C11orf65: variants seen among roughly 807,000 people sequenced by gnomAD.
The protein encoded by C11orf65 is protein MFI.
A neutral mutation model predicts 35.3 loss-of-function variants in C11orf65; 38 were observed. That is an observed-to-expected ratio of 1.08 (90% confidence interval 0.83 to 1.41). The LOEUF (loss-of-function observed/expected upper bound fraction) is 1.41. C11orf65 is among the 40% of genes most tolerant of loss of function. C11orf65 has a pLI of 0.00. For missense variants in C11orf65, 370 were observed against 367.1 expected, an observed-to-expected ratio of 1.01 and a Z score of -0.06; for synonymous variants, 105 against 114.4, an observed-to-expected ratio of 0.92 and a Z score of 0.53.
intron 8 of C11orf65, among the ~76,000 whole-genome samples, chr11:108,385,432 C>A (rs1176452250): frequency 6.6e-6 from 1 of 152,082 alleles, no homozygotes; most frequent in Non-Finnish European, 1.5e-5. Flanking sequence ...CCTGTAATCC[C>A]AGCACTTTGG....
chr11:108,338,300 C>T (rs749187732), intron 2 of C11orf65, among the ~76,000 whole-genome samples: 1 of 151,740 alleles, frequency 6.6e-6, no homozygotes, highest in Non-Finnish European at 1.5e-5. Flanking sequence ...GCAGTTGAGC[C>T]GAGATCACAC....
intron 3 of C11orf65, among the ~76,000 whole-genome samples, chr11:108,422,158 G>A (rs1356129133): frequency 6.6e-6 from 1 of 152,054 alleles, no homozygotes; most frequent in East Asian, 1.9e-4. Flanking sequence ...TCGAACTCCT[G>A]ACCTCATGAT....
In C11orf65 at chr11:108,335,359, T is replaced by C. The variant is rs976738784; in HGVS notation, c.227-67A>G. On this transcript the variant is annotated intron_variant, in intron 2 of 3. Coordinates refer to the C11orf65 transcript ENST00000524755. ...AATACCATTAACATGTACAGACATG[T>C]ACAGTGAGGTTGCTTCTTATGAAAA... 1.8e-5 allele frequency: 22 copies of C among 1,216,944 alleles called. No homozygotes were observed. The African/African-American group carries it at 2.9e-4, about 16-fold the overall frequency. The allele number at this position is 1,216,944 out of a possible 1,614,324, so 75.4% of individuals were successfully genotyped here. A position where few individuals can be genotyped will look rare whatever the true frequency, so the allele number is the denominator to read the frequency against.
intron 7 of C11orf65, among the ~76,000 whole-genome samples, chr11:108,391,734 G>T (rs1002545646): frequency 6.6e-6 from 1 of 151,116 alleles, no homozygotes; most frequent in Non-Finnish European, 1.5e-5. Flanking sequence ...GCACCCCATA[G>T]CCACCACCAC....
intron 3 of C11orf65, among the ~76,000 whole-genome samples, chr11:108,428,957 C>T (rs1417267370): frequency 1.3e-5 from 2 of 151,912 alleles, no homozygotes; most frequent in African/African-American, 4.8e-5. Context: ...GACGAGCCTG[C>T]GTAACCTAGG....
chr11:108,337,715 T>C (rs967427537), intron 2 of C11orf65, among the ~76,000 whole-genome samples: 10 of 152,230 alleles, frequency 6.6e-5, no homozygotes, highest in African/African-American at 2.4e-4. Context: ...AATGTAGAGA[T>C]TGCTAAGAAG....
Position 108,382,853 on chromosome 11 carries a change from T to C in C11orf65, c.*168A>G. 1 of 1,431,638 alleles carries C rather than the reference T, an allele frequency of 7.0e-7. No individual in the cohort carries two copies. The highest frequency in any genetic ancestry group is 1.5e-5 in the South Asian group (1 of 68,226). The allele number at this position is 1,431,638 out of a possible 1,614,324, so 88.7% of individuals were successfully genotyped here. ...ATTTCTATATTTGCCATGATCATTG[T>C]ATTCAGTCCAGTGTTCTATTTCTGC... On this transcript the variant is annotated 3_prime_UTR_variant, in exon 9 of 9. Transcript: ENST00000393084.
chr11:108,427,975 C>T lies in C11orf65; in HGVS notation c.174+3771G>A, dbSNP rs556153656. Reference sequence around the variant, plus strand: ...CCTCCCAAGTAGCTGGGACTACAGGCGCCCGCCACTACGACCGGCTAATTT... The same window carrying T: ...CCTCCCAAGTAGCTGGGACTACAGGTGCCCGCCACTACGACCGGCTAATTT... On this transcript the variant is annotated intron_variant, in intron 3 of 8. Coordinates refer to ENST00000393084, the MANE Select transcript of C11orf65 (RefSeq NM_152587.5). Among the ~76,000 whole-genome samples, 114 of 140,450 alleles carry T rather than the reference C, an allele frequency of 8.1e-4. 1 individual carries two copies. Among genetic ancestry groups the T allele is most frequent in the South Asian group, 2.5e-3 (10 of 4,056 alleles). The allele number at this position is 140,450 out of a possible 152,430, so 92.1% of individuals were successfully genotyped here. A position where few individuals can be genotyped will look rare whatever the true frequency, so the allele number is the denominator to read the frequency against.
intron 2 of C11orf65, among the ~76,000 whole-genome samples, chr11:108,360,563 A>C (rs1368733895): frequency 1.3e-4 from 18 of 141,222 alleles, no homozygotes; most frequent in African/African-American, 3.5e-4. Context: ...TACTGGCAAA[A>C]CGAATCCAGC....
At chr11:108,334,099 A>G (rs2086577634) in intron 3 of C11orf65, 2 of 698,178 alleles carry the variant, frequency 2.9e-6, no homozygotes, top group African/African-American at 3.6e-5. Context: ...TCAACCTATA[A>G]TTTCTCAGTA....
intron 2 of C11orf65, among the ~76,000 whole-genome samples, chr11:108,356,540 TAA>T (rs374615780): frequency 6.5e-4 from 64 of 97,748 alleles, no homozygotes; most frequent in African/African-American, 7.3e-4. Context: ...CTGTCTGTCT[TAA>T]AAAAAAAAAA....
At chr11:108,351,560 C>T (rs2089201422) in intron 2 of C11orf65, among the ~76,000 whole-genome samples, 1 of 152,194 alleles carries the variant, frequency 6.6e-6, no homozygotes, top group Non-Finnish European at 1.5e-5. Context: ...TCTTAAGACT[C>T]AGCTGGGCCA....
chr11:108,451,388 G>A (rs1390786720), intron 2 of C11orf65, among the ~76,000 whole-genome samples: 3 of 151,962 alleles, frequency 2.0e-5, no homozygotes, highest in African/African-American at 7.3e-5. Flanking sequence ...GCCAAATCAT[G>A]AGTGAACTCC....
Position 108,321,548 on chromosome 11 carries a change from T to C in C11orf65, c.641-12477A>G. On this transcript the variant is annotated intron_variant, in intron 6 of 6. Transcript: ENST00000525729. Reference sequence around the variant, plus strand: ...CTGTAATCCTAGCACTTTAGAAGGCTGAAGTGGGTGGATCACTTGAGGTCA... The same window carrying C: ...CTGTAATCCTAGCACTTTAGAAGGCCGAAGTGGGTGGATCACTTGAGGTCA... 14 of 1,359,258 alleles carry C rather than the reference T, an allele frequency of 1.0e-5. No homozygotes were observed. The South Asian group carries it at 1.6e-4, about 16-fold the overall frequency. The allele number at this position is 1,359,258 out of a possible 1,614,324, so 84.2% of individuals were successfully genotyped here.
rs767605723 is a variant in C11orf65 at position 108,383,001 on chromosome 11, C to A, written c.*20G>T. On this transcript the variant is annotated 3_prime_UTR_variant, in exon 9 of 9. Transcript: ENST00000393084. ...ATGGAAGGCTCAAAGGGCTATAACT[C>A]AGAATAGAAATAAAGTACTTTATAG... is the stretch of plus-strand genomic sequence containing the variant. The A allele has an allele frequency of 6.2e-7, 1 of 1,610,246 alleles. No homozygotes were observed.
chr11:108,330,217 C>A (rs763470424), downstream of C11orf65: 3 of 1,613,744 alleles, frequency 1.9e-6, no homozygotes, highest in South Asian at 1.1e-5. Context: ...ATGCAAGATA[C>A]ACAGTAAAGG....
rs2093464334 is a variant in C11orf65, at chr11:108,460,764, T to TGCC, written c.81+712_81+714dup. Among the ~76,000 whole-genome samples, 4 of 152,214 alleles carry TGCC rather than the reference T, an allele frequency of 2.6e-5. No individual in the cohort carries two copies. In the South Asian group the frequency reaches 8.3e-4, roughly 32 times the overall value. On this transcript the variant is annotated intron_variant, in intron 2 of 8. Coordinates refer to ENST00000393084, the MANE Select transcript of C11orf65 (RefSeq NM_152587.5). ...TTGTTGTTGTTGTTGCTGCTGCTGC[T>TGCC]GCCCAGGCTGAAGTGCAATGGCGTG...
chr11:108,411,992 T>A (rs2138749599), intron 3 of C11orf65, among the ~76,000 whole-genome samples: 1 of 152,214 alleles, frequency 6.6e-6, no homozygotes, highest in Admixed American at 6.5e-5. Flanking sequence ...GCCAAGCTGG[T>A]CTCGAATGCC....
chr11:108,412,770 T>C (rs2092679912), intron 3 of C11orf65, among the ~76,000 whole-genome samples: 1 of 152,024 alleles, frequency 6.6e-6, no homozygotes, highest in African/African-American at 2.4e-5. Context: ...AGAAGAAAGA[T>C]ATATGATACT....
Sources: gnomAD v4.1 joint callset for allele counts (sites outside exome capture counted in the v4.1 genomes callset) on GRCh38, gnomAD v4.1.1 for gene constraint, MANE v1.5 for transcripts, NCBI Gene and HGNC (gene_info 2026-07-23, HGNC 2026-07-21) for gene names.